Variants in E2F7 observed in about 807,000 individuals in gnomAD.
E2F7 encodes transcription factor E2F7.
A neutral mutation model predicts 81.1 loss-of-function variants in E2F7; 35 were observed. That is an observed-to-expected ratio of 0.43 (90% CI 0.33 to 0.57). E2F7 has a LOEUF of 0.57. Ranked by LOEUF, E2F7 falls within the 20% of genes least tolerant of loss-of-function variation. The pLI is 0.04. For synonymous variants in E2F7, 416 were observed against 416.2 expected, an observed-to-expected ratio of 1.00 and a Z score of 0.01; for missense variants, 961 against 1,093.7, an observed-to-expected ratio of 0.88 and a Z score of 1.71.
intron 12 of E2F7, among the ~76,000 whole-genome samples, chr12:77,025,241 G>T (rs1488963548): frequency 1.3e-5 from 2 of 152,108 alleles, no homozygotes; most frequent in African/African-American, 4.8e-5. Context: ...TGAAATAAAA[G>T]CTTGAAGATC....
chr12:77,035,792 CAT>C (rs752739224), intron 7 of E2F7, among the ~76,000 whole-genome samples: 3 of 151,964 alleles, frequency 2.0e-5, no homozygotes, highest in Non-Finnish European at 2.9e-5. Context: ...CACACTAAAA[CAT>C]ATACTAGTAT....
intron 2 of E2F7, among the ~76,000 whole-genome samples, chr12:77,058,930 G>A (rs1488403067): frequency 6.6e-6 from 1 of 152,066 alleles, no homozygotes; most frequent in Admixed American, 6.5e-5. Flanking sequence ...CTTGTTCATC[G>A]CAATTTTTGG....
chr12:77,029,766 C>A (rs1954789039), intron 10 of E2F7, 65 bp downstream of exon 10: 1 of 1,583,554 alleles, frequency 6.3e-7, no homozygotes, highest in South Asian at 1.2e-5. Flanking sequence ...ATCAGTGTAT[C>A]TTCATTAGGA....
chr12:77,053,826 T>C (rs1279386554), intron 3 of E2F7, among the ~76,000 whole-genome samples: 1 of 152,148 alleles, frequency 6.6e-6, no homozygotes. Flanking sequence ...AGACTATAAA[T>C]ACAAATTCAG....
chr12:77,024,162 C>T lies in E2F7; in HGVS notation c.2589G>A (p.Lys863=), dbSNP rs756773379. 5 of 1,613,742 alleles carry T rather than the reference C, an allele frequency of 3.1e-6. No individual in the cohort carries two copies. The South Asian group carries it at 4.4e-5, about 14-fold the overall frequency. Residue 863 remains lysine (K), a synonymous_variant, in exon 13 of 13, where the codon AAG becomes AAA. Coordinates refer to ENST00000322886, the MANE Select transcript of E2F7 (RefSeq NM_203394.3). ...TCTCACGATGTGTGCGTTGGATGCT[C>T]TTGGGGGTCACTGGAACTGGTGACT... ...LHQSPVPVTP[K]SIQRTHRETF...
rs542174513 is a variant in E2F7, at chr12:77,035,504, GC to G, written c.1124-1463del. On this transcript the variant is annotated intron_variant, in intron 7 of 12. Coordinates refer to ENST00000322886, the MANE Select transcript of E2F7 (RefSeq NM_203394.3). ...TTGTTAGTGTACTAAAAAGGGTGTT[GC>G]CCCAGTAATGGGGAAAACGTACTAA... 1.4e-4 allele frequency among the ~76,000 whole-genome samples: 21 copies of G among 152,284 alleles called. No homozygotes were observed. In the East Asian group the frequency reaches 3.7e-3, roughly 27 times the overall value.
At chr12:77,045,864 A>G (rs1291351952) in intron 5 of E2F7, 174 bp downstream of exon 5, 3 of 791,772 alleles carry the variant, frequency 3.8e-6, no homozygotes, top group African/African-American at 3.5e-5. Context: ...AATGAGGTCA[A>G]GTGGGCAGTC....
rs1438631977 is a variant in E2F7, at chr12:77,021,609, G to A, written c.*2406C>T. On this transcript the variant is annotated 3_prime_UTR_variant, in exon 13 of 13. Transcript: ENST00000322886. ...AGTTATACCCCCGACTCTTGTACCA[G>A]AATGAAAGGGTTTTACAAACCCTGG... 2 of 152,640 alleles carry A rather than the reference G, an allele frequency of 1.3e-5. No individual in the cohort carries two copies. Among genetic ancestry groups the A allele is most frequent in the Admixed American group, 1.3e-4 (2 of 15,284 alleles). The allele number at this position is 152,640 out of a possible 1,614,324, so 9.5% of individuals were successfully genotyped here.
intron 10 of E2F7, 60 bp from the exon 11 acceptor site, chr12:77,028,198 C>CTTT (rs375510532): frequency 3.7e-6 from 4 of 1,081,322 alleles, no homozygotes; most frequent in Non-Finnish European, 5.0e-6. Flanking sequence ...GTAAATCTCT[C>CTTT]TTTTTTTTTT....
At chr12:77,041,642 C>T (rs1276378903) in intron 7 of E2F7, among the ~76,000 whole-genome samples, 1 of 152,204 alleles carries the variant, frequency 6.6e-6, no homozygotes, top group Middle Eastern at 3.2e-3. Context: ...GCAGTCCCCA[C>T]TGATCACATT....
intron 1 of E2F7, among the ~76,000 whole-genome samples, 190 bp from the exon 2 acceptor site, chr12:77,064,825 A>C (rs1453611014): frequency 1.3e-5 from 2 of 152,338 alleles, no homozygotes; most frequent in Non-Finnish European, 2.9e-5. Flanking sequence ...TCAAACACCT[A>C]AAGTGTGCTT....
chr12:77,052,166 T>A (rs1229646335), intron 3 of E2F7, among the ~76,000 whole-genome samples: 1 of 152,188 alleles, frequency 6.6e-6, no homozygotes, highest in East Asian at 1.9e-4. Context: ...TATATTGTCT[T>A]CATAGATAAG....
chr12:77,037,113 C>G (rs897462440), intron 7 of E2F7, among the ~76,000 whole-genome samples: 4 of 152,192 alleles, frequency 2.6e-5, no homozygotes, highest in African/African-American at 9.6e-5. Context: ...AAGACATTCT[C>G]AGACATACAA....
rs1954708715 is a variant in E2F7, at chr12:77,021,367, T to G, written c.*2648A>C. On this transcript the variant is annotated 3_prime_UTR_variant, in exon 13 of 13. Coordinates refer to ENST00000322886, the MANE Select transcript of E2F7 (RefSeq NM_203394.3). ...TGTAGTACAGTTACAAGTAAATAGC[T>G]ATAGATAATATAGCCATTAGGAAAA... 1 of 152,604 alleles carries G rather than the reference T, an allele frequency of 6.6e-6. No individual in the cohort carries two copies. The highest frequency in any genetic ancestry group is 2.1e-4 in the South Asian group (1 of 4,834). 9.5% of individuals were successfully genotyped at this position (152,604 alleles called of 1,614,324 possible).
At chr12:77,058,038 T>G (rs1955048188) in intron 2 of E2F7, among the ~76,000 whole-genome samples, 1 of 152,174 alleles carries the variant, frequency 6.6e-6, no homozygotes, top group Admixed American at 6.5e-5. Flanking sequence ...AGAAGCTGCA[T>G]GCTAGCCATG....
In E2F7 at chr12:77,021,310, GA is replaced by G. The variant is rs1015578090; in HGVS notation, c.*2704del. On this transcript the variant is annotated 3_prime_UTR_variant, in exon 13 of 13. Transcript: ENST00000322886. ...GCTTAATATTTTCCTAAAAATATTA[GA>G]AAAAAAATCAGAACAAAAAATCAGT... 20 of 150,628 alleles carry G rather than the reference GA, an allele frequency of 1.3e-4. No homozygotes were observed. Among genetic ancestry groups the G allele is most frequent in the Non-Finnish European group, 7.4e-5 (5 of 67,472 alleles). The allele number at this position is 150,628 out of a possible 1,614,324, so 9.3% of individuals were successfully genotyped here. A position where few individuals can be genotyped will look rare whatever the true frequency, so the allele number is the denominator to read the frequency against.
At chr12:77,029,209 G>T (rs904652035) in intron 10 of E2F7, among the ~76,000 whole-genome samples, 1 of 152,174 alleles carries the variant, frequency 6.6e-6, no homozygotes, top group African/African-American at 2.4e-5. Context: ...CTTAATTATT[G>T]TAATGATTTC....
At chr12:77,038,892 T>C (rs1954874621) in intron 7 of E2F7, among the ~76,000 whole-genome samples, 1 of 152,198 alleles carries the variant, frequency 6.6e-6, no homozygotes, top group Non-Finnish European at 1.5e-5. Flanking sequence ...TCTTCACTGA[T>C]AAATTCTTCC....
intron 2 of E2F7, among the ~76,000 whole-genome samples, chr12:77,060,538 C>T (rs921710907): frequency 2.6e-5 from 4 of 152,124 alleles, no homozygotes; most frequent in African/African-American, 9.7e-5. Context: ...TAGCTCTGGG[C>T]CATATTTAGC....
Sources: allele counts gnomAD v4.1 joint callset (sites outside exome capture counted in the v4.1 genomes callset), GRCh38; gene constraint gnomAD v4.1.1; transcripts MANE v1.5; gene names NCBI Gene and HGNC (gene_info 2026-07-23, HGNC 2026-07-21).